The following PCNX1 variants were observed in gnomAD, a reference collection of about 807,000 sequenced individuals.
The protein encoded by PCNX1 is pecanex-like protein 1.
Under a neutral mutation model 242.2 loss-of-function variants are expected in PCNX1, and 78 were observed. The observed-to-expected ratio is 0.32, with a 90% CI of 0.27 to 0.39. PCNX1 has a LOEUF of 0.39. Among genes scored for constraint, PCNX1 ranks in the 10% least tolerant of loss-of-function variants. PCNX1 has a pLI of 1.00. For missense variants in PCNX1, 2,581 were observed against 2,856.5 expected (o/e 0.90, Z 2.20); for synonymous variants, 1,024 against 1,032.9 (o/e 0.99, Z 0.17).
chr14:71,002,059 A>T (rs1485845985), intron 8 of PCNX1, among the ~76,000 whole-genome samples: 1 of 152,192 alleles, frequency 6.6e-6, no homozygotes, highest in Non-Finnish European at 1.5e-5. Flanking sequence ...AGGCTGAAAA[A>T]TGTCTCTAAC....
At chr14:71,036,690 C>T (rs140525090) in intron 19 of PCNX1, among the ~76,000 whole-genome samples, 1 of 152,278 alleles carries the variant, frequency 6.6e-6, no homozygotes, top group African/African-American at 2.4e-5. Flanking sequence ...TTTCTCATAA[C>T]GTATCCTGTT....
intron 2 of PCNX1, among the ~76,000 whole-genome samples, chr14:70,949,283 A>ACG: frequency 0.012 from 355 of 28,478 alleles, 1 homozygote; most frequent in African/African-American, 0.034. Context: ...ACACGTGTAT[A>ACG]CACACACGTG....
chr14:70,931,534 C>G (rs142578465), intron 1 of PCNX1, among the ~76,000 whole-genome samples: 307 of 152,222 alleles, frequency 2.0e-3, no homozygotes, highest in South Asian at 9.8e-3. Flanking sequence ...GATTAGTGTG[C>G]CCGTTTGTGT....
At chr14:70,939,818 T>C (rs2057160272) in intron 1 of PCNX1, among the ~76,000 whole-genome samples, 1 of 152,220 alleles carries the variant, frequency 6.6e-6, no homozygotes, top group South Asian at 2.1e-4. Context: ...TGCTCCTGTA[T>C]TGGGTGCATA....
intron 2 of PCNX1, among the ~76,000 whole-genome samples, chr14:70,953,961 C>T (rs1566616126): frequency 1.3e-5 from 2 of 152,206 alleles, no homozygotes; most frequent in East Asian, 3.8e-4. Context: ...ATCCACGCGC[C>T]TGGCTAGCAT....
At chr14:70,989,268 G>A (rs1004671891) in intron 7 of PCNX1, among the ~76,000 whole-genome samples, 10 of 151,558 alleles carry the variant, frequency 6.6e-5, no homozygotes, top group Admixed American at 1.3e-4. Flanking sequence ...GTGGTCAATT[G>A]GAGAGAGATA....
intron 24 of PCNX1, among the ~76,000 whole-genome samples, chr14:71,054,353 T>A (rs886553292): frequency 2.6e-5 from 4 of 152,248 alleles, no homozygotes; most frequent in African/African-American, 9.6e-5. Context: ...ATTTTCTAAA[T>A]GTTGATACAT....
chr14:71,089,993 A>G (rs1366590789), intron 30 of PCNX1, among the ~76,000 whole-genome samples: 4 of 152,308 alleles, frequency 2.6e-5, no homozygotes, highest in South Asian at 4.1e-4. Flanking sequence ...GTAAAGGTCC[A>G]TGGCCCCCAT....
chr14:70,957,774 A>T (rs1413444521), intron 2 of PCNX1, among the ~76,000 whole-genome samples: 1 of 152,092 alleles, frequency 6.6e-6, no homozygotes, highest in Non-Finnish European at 1.5e-5. Context: ...CGATATGTGA[A>T]TCATATTTCA....
chr14:71,013,977 C>A (rs1301933373), intron 11 of PCNX1, among the ~76,000 whole-genome samples: 1 of 152,166 alleles, frequency 6.6e-6, no homozygotes, highest in African/African-American at 2.4e-5. Context: ...ATTGAGTCAC[C>A]TTGACTGTTT....
chr14:70,989,512 A>C (rs907326166), intron 7 of PCNX1, among the ~76,000 whole-genome samples: 6 of 151,194 alleles, frequency 4.0e-5, no homozygotes, highest in Admixed American at 6.7e-5. Context: ...AATTTATTTT[A>C]AGAATACAAA....
chr14:70,925,269 A>G (rs2056545628), intron 1 of PCNX1, among the ~76,000 whole-genome samples: 1 of 152,218 alleles, frequency 6.6e-6, no homozygotes, highest in African/African-American at 2.4e-5. Flanking sequence ...GATTACAAGC[A>G]TGAGCCACGA....
intron 16 of PCNX1, chr14:71,031,851 G>A (rs1028323932): frequency 1.6e-5 from 23 of 1,473,524 alleles, no homozygotes; most frequent in Admixed American, 1.3e-4. Flanking sequence ...GCTTCAGGTA[G>A]ACACACTGTT....
At position 71,113,517 on chromosome 14, in the gene PCNX1, A is replaced by C. The variant is rs1185084589; in HGVS notation, c.*3582A>C. The C allele has an allele frequency of 1.3e-5, 2 of 152,644 alleles. No homozygotes were observed. Among genetic ancestry groups the C allele is most frequent in the Non-Finnish European group, 2.9e-5 (2 of 68,030 alleles). 9.5% of individuals were successfully genotyped at this position (152,644 alleles called of 1,614,324 possible). A position where few individuals can be genotyped will look rare whatever the true frequency, so the allele number is the denominator to read the frequency against. On this transcript the variant is annotated 3_prime_UTR_variant, in exon 36 of 36. Transcript: ENST00000304743. Reference sequence around the variant, plus strand: ...TCAGCAAGTTTAGCTTATAGCCTTGATAAATTCCTCTGTGCTTCTGAGCAG... The same window carrying C: ...TCAGCAAGTTTAGCTTATAGCCTTGCTAAATTCCTCTGTGCTTCTGAGCAG...
intron 8 of PCNX1, among the ~76,000 whole-genome samples, chr14:71,003,596 A>G (rs2059573202): frequency 6.6e-6 from 1 of 152,206 alleles, no homozygotes; most frequent in African/African-American, 2.4e-5. Context: ...ATAAAATGTG[A>G]GTGGATAATG....
In PCNX1 at chr14:71,112,652, T is replaced by C. The variant is rs1319134787; in HGVS notation, c.*2717T>C. The C allele has an allele frequency of 6.6e-6, 1 of 152,112 alleles. No individual in the cohort carries two copies. Among genetic ancestry groups the C allele is most frequent in the Non-Finnish European group, 1.5e-5 (1 of 67,952 alleles). 9.4% of individuals were successfully genotyped at this position (152,112 alleles called of 1,614,324 possible). A position where few individuals can be genotyped will look rare whatever the true frequency, so the allele number is the denominator to read the frequency against. On this transcript the variant is annotated 3_prime_UTR_variant, in exon 36 of 36. Transcript: ENST00000304743. ...CCCTCACCCCCCAGAGAATAGTGAG[T>C]GACTCGTTTAGATTCTCTGCTTTTT...
At chr14:71,037,940 C>T (rs1309503159) in intron 19 of PCNX1, among the ~76,000 whole-genome samples, 6 of 134,042 alleles carry the variant, frequency 4.5e-5, no homozygotes, top group African/African-American at 1.7e-4. Flanking sequence ...ACTATCTGAT[C>T]TTTGACAAAC....
chr14:71,036,086 C>T lies in PCNX1; in HGVS notation c.3796C>T (p.Leu1266=). Reference sequence around the variant, plus strand: ...ACAGAGTGAGCGATTACAGTCTGACCTGGTAGTATGCATTGTAATTGGTGT... The same window carrying T: ...ACAGAGTGAGCGATTACAGTCTGACTTGGTAGTATGCATTGTAATTGGTGT... ...NSVSERLQSD[L]VVCIVIGVLY... The change falls in exon 19 of 36, where the codon CTG becomes TTG. Residue 1266 remains leucine, a synonymous_variant. Coordinates refer to ENST00000304743, the MANE Select transcript of PCNX1 (RefSeq NM_014982.3). 1 of 1,603,240 alleles carries T rather than the reference C, an allele frequency of 6.2e-7. No individual in the cohort carries two copies. The highest frequency in any genetic ancestry group is 1.3e-5 in the African/African-American group (1 of 74,702).
chr14:70,941,463 A>G (rs906593590), intron 1 of PCNX1, among the ~76,000 whole-genome samples: 1 of 152,156 alleles, frequency 6.6e-6, no homozygotes, highest in East Asian at 1.9e-4. Flanking sequence ...CAGAATGGCA[A>G]TTGTTGCTGC....
Sources: allele counts gnomAD v4.1 joint callset (sites outside exome capture counted in the v4.1 genomes callset), GRCh38; gene constraint gnomAD v4.1.1; transcripts MANE v1.5; gene names NCBI Gene and HGNC (gene_info 2026-07-23, HGNC 2026-07-21).